The following DNAH6 variants were observed in gnomAD, a reference collection of about 807,000 sequenced individuals.
The protein encoded by DNAH6 is axonemal beta dynein heavy chain 6.
A neutral mutation model predicts 491.4 loss-of-function variants in DNAH6; 340 were observed. That is an observed-to-expected ratio of 0.69 (90% CI 0.63 to 0.76). The LOEUF (loss-of-function observed/expected upper bound fraction) is 0.76, where lower values mean the gene tolerates loss of function less well. Among genes scored for constraint, DNAH6 ranks in the 30% least tolerant of loss-of-function variants. The pLI is 0.00. For missense variants in DNAH6, 4,443 were observed against 4,972.2 expected (o/e 0.89, Z 3.20); for synonymous variants, 1,603 against 1,686.1 (o/e 0.95, Z 1.21).
chr2:84,737,491 G>C (rs1699615649), intron 62 of DNAH6, among the ~76,000 whole-genome samples: 1 of 151,850 alleles, frequency 6.6e-6, no homozygotes, highest in African/African-American at 2.4e-5. Flanking sequence ...TTTTATTCCT[G>C]ATTGAACTTC....
At chr2:84,676,907 G>C in intron 40 of DNAH6, 98 bp from the exon 41 acceptor site, 1 of 1,342,646 alleles carries the variant, frequency 7.4e-7, no homozygotes, top group South Asian at 1.4e-5. Context: ...AAAAAAAAAT[G>C]TAATGCAATG....
intron 10 of DNAH6, among the ~76,000 whole-genome samples, chr2:84,554,230 T>C (rs1679800496): frequency 6.6e-6 from 1 of 152,232 alleles, no homozygotes; most frequent in South Asian, 2.1e-4. Context: ...TAATCACTTT[T>C]GACTAACTCG....
the DNAH6 span, among the ~76,000 whole-genome samples, chr2:84,497,661 A>G: frequency 6.6e-6 from 1 of 152,240 alleles, no homozygotes; most frequent in African/African-American, 2.4e-5. Flanking sequence ...TATTTAAAAC[A>G]GTAAAAACAA....
Position 84,588,853 on chromosome 2 carries a change from G to T in DNAH6, c.2509G>T (p.Asp837Tyr). Residue 837 changes from aspartate (D) to tyrosine (Y), a missense_variant, in exon 16 of 77, where the codon GAC becomes TAC. Physicochemically the swap from Asp to Tyr is radical, Grantham distance 160. Transcript: ENST00000389394. The part of the protein sequence containing the change: ...QDPQILDISA[D>Y]QDKIRLILNN... ...TCCACAGATTTTAGATATCTCTGCT[G>T]ACCAAGACAAAATAAGGCTCATATT... 1 of 1,549,692 alleles carries T rather than the reference G, an allele frequency of 6.5e-7. No homozygotes were observed. The highest frequency in any genetic ancestry group is 1.2e-5 in the South Asian group (1 of 83,536).
intron 17 of DNAH6, among the ~76,000 whole-genome samples, chr2:84,594,556 A>C (rs1251978012): frequency 6.6e-6 from 1 of 152,224 alleles, no homozygotes; most frequent in Non-Finnish European, 1.5e-5. Flanking sequence ...TTAGAGAGCC[A>C]AATATCAACA....
chr2:84,504,923 T>C, the DNAH6 span, among the ~76,000 whole-genome samples: 1 of 152,198 alleles, frequency 6.6e-6, no homozygotes, highest in African/African-American at 2.4e-5. Context: ...ACAGGGATTG[T>C]ATTGAATCTG....
At chr2:84,511,304 T>G in the DNAH6 span, among the ~76,000 whole-genome samples, 1 of 152,208 alleles carries the variant, frequency 6.6e-6, no homozygotes, top group Admixed American at 6.5e-5. Context: ...CACTGCTGCC[T>G]TGCAGTTTGA....
In DNAH6 at chr2:84,577,809, G is replaced by T. The variant is rs1436321952; in HGVS notation, c.2076+401G>T. 2.6e-5 allele frequency among the ~76,000 whole-genome samples: 4 copies of T among 152,120 alleles called. No homozygotes were observed. In the South Asian group the frequency reaches 6.2e-4, roughly 24 times the overall value. On this transcript the variant is annotated intron_variant, in intron 13 of 76. Transcript: ENST00000389394. The stretch of plus-strand genomic sequence containing the variant: ...TCCCTACAGGTCTGATTATGTTTTG[G>T]TAAGTTATAGAACTAGGGAAATTTC...
intron 58 of DNAH6, among the ~76,000 whole-genome samples, chr2:84,716,007 CA>C (rs774073114): frequency 1.3e-5 from 2 of 152,134 alleles, no homozygotes; most frequent in African/African-American, 2.4e-5. Flanking sequence ...ACAGCTTCTC[CA>C]AATATATTTG....
chr2:84,514,035 C>T (rs1209094475), upstream of DNAH6, among the ~76,000 whole-genome samples: 3 of 152,028 alleles, frequency 2.0e-5, no homozygotes, highest in East Asian at 5.8e-4. Context: ...TGTGTAGACT[C>T]AAGCAAGGCC....
rs897434106 is a variant in DNAH6 at position 84,816,102 on chromosome 2, T to C, written c.12373+19T>C. 3.9e-6 allele frequency: 6 copies of C among 1,521,838 alleles called. No individual in the cohort carries two copies. The African/African-American group carries it at 8.3e-5, about 21-fold the overall frequency. The allele number at this position is 1,521,838 out of a possible 1,614,324, so 94.3% of individuals were successfully genotyped here. On this transcript the variant is annotated intron_variant, in intron 76 of 76. Transcript: ENST00000389394. ...ACCACAGGTGAGGATGTTCTTAAGA[T>C]TAGTTCAAATAATGACCAAATGCAA...
intron 23 of DNAH6, among the ~76,000 whole-genome samples, chr2:84,618,417 C>A (rs1477384886): frequency 6.6e-6 from 1 of 152,118 alleles, no homozygotes; most frequent in Non-Finnish European, 1.5e-5. Context: ...ATCTCATAGG[C>A]AGCATTTAAT....
chr2:84,595,813 A>C (rs1161245696), intron 18 of DNAH6, 24 bp downstream of exon 18: 1 of 1,531,592 alleles, frequency 6.5e-7, no homozygotes, highest in Non-Finnish European at 8.8e-7. Context: ...AAGTTATTTC[A>C]AAAACTGTAG....
intron 4 of DNAH6, among the ~76,000 whole-genome samples, chr2:84,530,680 T>A (rs917511105): frequency 6.6e-6 from 1 of 152,146 alleles, no homozygotes; most frequent in African/African-American, 2.4e-5. Flanking sequence ...AAGGCCGTAG[T>A]TACTCAGGGG....
At chr2:84,777,014 A>T (rs953123632) in intron 64 of DNAH6, among the ~76,000 whole-genome samples, 18 of 152,162 alleles carry the variant, frequency 1.2e-4, no homozygotes, top group African/African-American at 3.9e-4. Flanking sequence ...CAAACACCGC[A>T]TGTTCTCACT....
intron 15 of DNAH6, among the ~76,000 whole-genome samples, chr2:84,586,181 C>T (rs1683528791): frequency 6.6e-6 from 1 of 152,212 alleles, no homozygotes; most frequent in East Asian, 1.9e-4. Context: ...CCCATGCCCC[C>T]AAGAGCACAG....
At chr2:84,614,259 C>T (rs376797512) in intron 22 of DNAH6, among the ~76,000 whole-genome samples, 91 of 152,172 alleles carry the variant, frequency 6.0e-4, no homozygotes, top group African/African-American at 2.0e-3. Flanking sequence ...ACCTTAGCTC[C>T]CACTTATGAG....
At chr2:84,610,269 G>A (rs1686197937) in intron 21 of DNAH6, among the ~76,000 whole-genome samples, 1 of 152,092 alleles carries the variant, frequency 6.6e-6, no homozygotes, top group African/African-American at 2.4e-5. Flanking sequence ...AATCTAGCAA[G>A]GAAGAAAAAG....
chr2:84,530,975 C>T (rs1677109299), intron 4 of DNAH6, among the ~76,000 whole-genome samples: 1 of 152,090 alleles, frequency 6.6e-6, no homozygotes, highest in Non-Finnish European at 1.5e-5. Flanking sequence ...GTCCTGATGA[C>T]ATGTGCCCAA....
Sources: allele counts gnomAD v4.1 joint callset (sites outside exome capture counted in the v4.1 genomes callset), GRCh38; gene constraint gnomAD v4.1.1; transcripts MANE v1.5; gene names NCBI Gene and HGNC (gene_info 2026-07-23, HGNC 2026-07-21).